Variants in ITPR1 observed in about 807,000 individuals in gnomAD.
The protein encoded by ITPR1 is inositol 1,4,5-trisphosphate receptor type 1, also known as inositol 1,4,5-trisphosphate-gated calcium channel ITPR1.
In ITPR1, 96 loss-of-function variants were observed where a neutral mutation model predicts 318.4. That is an observed-to-expected ratio of 0.30 (90% CI 0.26 to 0.36). ITPR1 has a LOEUF of 0.36. ITPR1 is among the 10% of genes least tolerant of loss of function. The pLI is 1.00. For synonymous variants in ITPR1, 1,312 were observed against 1,289.9 expected, an observed-to-expected ratio of 1.02 and a Z score of -0.37; for missense variants, 2,440 against 3,460.2, an observed-to-expected ratio of 0.71 and a Z score of 7.40.
chr3:4,617,146 G>T (rs1406339545), intron 4 of ITPR1, among the ~76,000 whole-genome samples: 1 of 152,112 alleles, frequency 6.6e-6, no homozygotes, highest in East Asian at 1.9e-4. Context: ...AGTGGCCCCA[G>T]TGTGAGCATT....
chr3:4,755,529 A>G (rs1258468034), intron 44 of ITPR1, among the ~76,000 whole-genome samples: 1 of 151,882 alleles, frequency 6.6e-6, no homozygotes, highest in Non-Finnish European at 1.5e-5. Flanking sequence ...GTAAGCCACC[A>G]TACTGGACCC....
intron 48 of ITPR1, among the ~76,000 whole-genome samples, chr3:4,778,572 T>G (rs111239083): frequency 6.6e-6 from 1 of 152,242 alleles, no homozygotes; most frequent in East Asian, 1.9e-4. Context: ...GGACTTTTTT[T>G]CTGCTATTTT....
In ITPR1 at chr3:4,662,592, G is replaced by A. The variant is rs142715630; in HGVS notation, c.1412+350G>A. Among the ~76,000 whole-genome samples the A allele has an allele frequency of 8.2e-3, 1,244 of 152,134 alleles. 22 individuals are homozygous for A. The highest frequency in any genetic ancestry group is 0.028 in the African/African-American group (1,143 of 41,494). On this transcript the variant is annotated intron_variant, in intron 15 of 61. Coordinates refer to ENST00000649015, the MANE Select transcript of ITPR1 (RefSeq NM_001378452.1). ...ACAAAAATTAGCCAGGCATGATGGC[G>A]GATGCCTGTAATCCCAGCTCCTCAG...
At chr3:4,559,848 G>A (rs906887661) in intron 4 of ITPR1, among the ~76,000 whole-genome samples, 1 of 152,132 alleles carries the variant, frequency 6.6e-6, no homozygotes, top group Non-Finnish European at 1.5e-5. Context: ...ATAGGAACAA[G>A]GTCTTTCTAA....
At chr3:4,650,486 G>C (rs1231429882) in intron 10 of ITPR1, among the ~76,000 whole-genome samples, 1 of 151,856 alleles carries the variant, frequency 6.6e-6, no homozygotes, top group African/African-American at 2.4e-5. Flanking sequence ...TTATTCGATG[G>C]GTTAAAAAAA....
chr3:4,815,256 GC>G (rs778010644), intron 59 of ITPR1, 38 bp downstream of exon 59: 2 of 1,605,208 alleles, frequency 1.2e-6, no homozygotes, highest in Admixed American at 3.4e-5. Context: ...GGGCGTGAAG[GC>G]CCAGCGTGGC....
Position 4,645,432 on chromosome 3 carries a change from A to G in ITPR1, c.670A>G (p.Met224Val), listed in dbSNP as rs1245209965. The G allele has an allele frequency of 1.9e-6, 3 of 1,613,556 alleles. No individual in the cohort carries two copies. Among genetic ancestry groups the G allele is most frequent in the Non-Finnish European group, 8.5e-7 (1 of 1,179,654 alleles). ...TACAAGCTGGAAAATAGTCCTTTTC[A>G]TGAAATGGAGTGATAACAAAGACGA... ...CNTSWKIVLF[M>V]KWSDNKDDIL... Residue 224 changes from methionine (M) to valine (V), a missense_variant, in exon 9 of 62, where the codon ATG becomes GTG. Physicochemically the swap from Met to Val is conservative, Grantham distance 21. Around this residue, in one of 23 missense-constraint regions of ITPR1, gnomAD observed 186 missense variants for 323.9 expected, o/e 0.57. Coordinates refer to ENST00000649015, the MANE Select transcript of ITPR1 (RefSeq NM_001378452.1).
intron 26 of ITPR1, among the ~76,000 whole-genome samples, chr3:4,683,053 G>A (rs2094329644): frequency 6.6e-6 from 1 of 152,124 alleles, no homozygotes; most frequent in South Asian, 2.1e-4. Flanking sequence ...TAATAACTTA[G>A]GAGAAACACA....
chr3:4,692,176 C>G (rs1372905175), intron 32 of ITPR1, among the ~76,000 whole-genome samples: 3 of 151,314 alleles, frequency 2.0e-5, no homozygotes, highest in Non-Finnish European at 4.4e-5. Context: ...AGAGTCGGCT[C>G]AACCTGGGAT....
intron 4 of ITPR1, among the ~76,000 whole-genome samples, chr3:4,601,175 C>CTTTT (rs68165287): frequency 0.081 from 9,703 of 119,642 alleles, 749 homozygotes; most frequent in Middle Eastern, 0.1. Context: ...GAAAAATATT[C>CTTTT]TTTTTTTTTT....
intron 46 of ITPR1, among the ~76,000 whole-genome samples, chr3:4,774,177 T>C (rs1412557955): frequency 6.6e-6 from 1 of 152,232 alleles, no homozygotes; most frequent in South Asian, 2.1e-4. Flanking sequence ...TGACAGTGTG[T>C]CATAGAGATC....
rs1234816906 is a variant in ITPR1, at chr3:4,566,681, C to T, written c.163+45587C>T. ...CAAAAATTGAGGTGTTTCCCAGGTT[C>T]CTAACCTCCTGAATGCAATGCAGAT... On this transcript the variant is annotated intron_variant, in intron 4 of 61. Transcript: ENST00000649015. 3.3e-5 allele frequency among the ~76,000 whole-genome samples: 5 copies of T among 151,666 alleles called. No individual in the cohort carries two copies. In the East Asian group the frequency reaches 7.7e-4, roughly 23 times the overall value.
chr3:4,612,209 C>A (rs2092167645), intron 4 of ITPR1, among the ~76,000 whole-genome samples: 2 of 151,758 alleles, frequency 1.3e-5, no homozygotes. Context: ...TTACAGGCGC[C>A]CACCACCACG....
intron 31 of ITPR1, 132 bp from the exon 32 acceptor site, chr3:4,691,012 A>C (rs2094471577): frequency 3.8e-6 from 2 of 532,602 alleles, no homozygotes; most frequent in Non-Finnish European, 6.4e-6. Flanking sequence ...CAAGAATGAG[A>C]GAAACATATC....
chr3:4,746,113 C>A (rs939297025), intron 44 of ITPR1, among the ~76,000 whole-genome samples: 2 of 152,140 alleles, frequency 1.3e-5, no homozygotes, highest in African/African-American at 4.8e-5. Context: ...CCAGGCTCGA[C>A]CGCCTGCCAG....
intron 37 of ITPR1, 125 bp downstream of exon 37, chr3:4,706,476 G>A (rs190258005): frequency 2.6e-5 from 21 of 802,696 alleles, no homozygotes; most frequent in African/African-American, 2.1e-4. Context: ...TGTGCTGAAC[G>A]AATAGTCAAA....
chr3:4,555,026 G>A (rs992453775), intron 4 of ITPR1, among the ~76,000 whole-genome samples: 8 of 152,230 alleles, frequency 5.3e-5, no homozygotes, highest in South Asian at 2.1e-4. Context: ...CTGTACCCGC[G>A]GAATGTGTTT....
Position 4,676,861 on chromosome 3 carries a change from A to G in ITPR1, c.2967+60A>G, listed in dbSNP as rs2094194895. On this transcript the variant is annotated intron_variant, in intron 24 of 61. Coordinates refer to ENST00000649015, the MANE Select transcript of ITPR1 (RefSeq NM_001378452.1). ...TGTCACAGAGGCGCCATTCAGATCC[A>G]GTCCCTCTGTTCTGATGGAGCCCAA... 6.0e-6 allele frequency: 8 copies of G among 1,336,564 alleles called. No individual in the cohort carries two copies. The East Asian group carries it at 1.7e-4, about 28-fold the overall frequency. 82.8% of individuals were successfully genotyped at this position (1,336,564 alleles called of 1,614,324 possible). A position where few individuals can be genotyped will look rare whatever the true frequency, so the allele number is the denominator to read the frequency against.
At position 4,847,032 on chromosome 3, in the gene ITPR1, C is replaced by G. The variant is rs1057147635; in HGVS notation, c.*807C>G. The G allele has an allele frequency of 1.3e-5, 2 of 152,584 alleles. No homozygotes were observed. The highest frequency in any genetic ancestry group is 2.9e-5 in the Non-Finnish European group (2 of 68,030). 9.5% of individuals were successfully genotyped at this position (152,584 alleles called of 1,614,324 possible). A position where few individuals can be genotyped will look rare whatever the true frequency, so the allele number is the denominator to read the frequency against. On this transcript the variant is annotated 3_prime_UTR_variant, in exon 62 of 62. Transcript: ENST00000649015. The stretch of plus-strand genomic sequence containing the variant: ...CAATGTTCAGGATAAATGCATACTG[C>G]TGGCCAATCAGTGTCATCTCCTGGG...
Sources: allele counts gnomAD v4.1 joint callset (sites outside exome capture counted in the v4.1 genomes callset), GRCh38; gene constraint gnomAD v4.1.1; regional missense constraint gnomAD v4.1.1; transcripts MANE v1.5; gene names NCBI Gene and HGNC (gene_info 2026-07-23, HGNC 2026-07-21).